CCR2: variants seen among roughly 807,000 people sequenced by gnomAD.
CCR2 encodes C-C chemokine receptor type 2.
For synonymous variants in CCR2, 183 were observed against 177.1 expected (o/e 1.03, Z -0.27); for missense variants, 408 against 440.0 (o/e 0.93, Z 0.65).
chr3:46,356,416 C>G (rs761861311), intron 1 of CCR2, among the ~76,000 whole-genome samples: 2 of 152,028 alleles, frequency 1.3e-5, no homozygotes, highest in African/African-American at 4.8e-5. Context: ...TAGCACAGCC[C>G]CTCCCATCTG....
intron 1 of CCR2, among the ~76,000 whole-genome samples, chr3:46,356,695 G>A (rs1701458757): frequency 6.6e-6 from 1 of 152,110 alleles, no homozygotes; most frequent in Admixed American, 6.5e-5. Context: ...CAAGGCGGGT[G>A]CATCAGGAGG....
In CCR2 at chr3:46,358,941, G is replaced by A. The variant is rs1314989390; in HGVS notation, c.*331G>A. The A allele has an allele frequency of 4.7e-6, 5 of 1,071,242 alleles. No homozygotes were observed. The highest frequency in any genetic ancestry group is 5.7e-6 in the Non-Finnish European group (5 of 873,684). 66.4% of individuals were successfully genotyped at this position (1,071,242 alleles called of 1,614,324 possible). A position where few individuals can be genotyped will look rare whatever the true frequency, so the allele number is the denominator to read the frequency against. The stretch of plus-strand genomic sequence containing the variant: ...ATTCTGTCAATGTCTTGAAATCAAG[G>A]GCCAGCTGGAGGTGAAGAAGAGAAT... On this transcript the variant is annotated 3_prime_UTR_variant, in exon 2 of 2. Coordinates refer to ENST00000445132, the MANE Select transcript of CCR2 (RefSeq NM_001123396.4).
rs1701522790 is a variant in CCR2 at position 46,359,956 on chromosome 3, A to T, written c.*1346A>T. 8.2e-7 allele frequency: 1 copy of T among 1,213,610 alleles called. No individual in the cohort carries two copies. The highest frequency in any genetic ancestry group is 1.2e-6 in the Non-Finnish European group (1 of 858,436). The allele number at this position is 1,213,610 out of a possible 1,614,324, so 75.2% of individuals were successfully genotyped here. A position where few individuals can be genotyped will look rare whatever the true frequency, so the allele number is the denominator to read the frequency against. ...AATCTTGGTGTCTACGTTACCAGGC[A>T]GGAAGGCTGAGAGGAGAGAGACTCC... On this transcript the variant is annotated 3_prime_UTR_variant, in exon 2 of 2. Transcript: ENST00000445132.
Position 46,358,139 on chromosome 3 carries a change from A to G in CCR2, c.612A>G (p.Ile204Met). The G allele has an allele frequency of 6.2e-7, 1 of 1,614,108 alleles. No individual in the cohort carries two copies. The highest frequency in any genetic ancestry group is 8.5e-7 in the Non-Finnish European group (1 of 1,179,994). The change falls in exon 2 of 2, where the codon ATA becomes ATG. Residue 204 changes from isoleucine (I) to methionine (M), a missense_variant. Transcript: ENST00000445132. ...GAGGATGGAATAATTTCCACACAAT[A>G]ATGAGGAACATTTTGGGGCTGGTCC... ...FPRGWNNFHT[I>M]MRNILGLVLP...
chr3:46,358,302 T>C lies in CCR2; in HGVS notation c.775T>C (p.Tyr259His). 2 of 1,614,190 alleles carry C rather than the reference T, an allele frequency of 1.2e-6. No homozygotes were observed. Among genetic ancestry groups the C allele is most frequent in the Non-Finnish European group, 8.5e-7 (1 of 1,180,022 alleles). Reference protein sequence around the residue: ...MIVYFLFWTPYNIVILLNTFQ... With the variant: ...MIVYFLFWTPHNIVILLNTFQ... ...TGTTTACTTTCTCTTCTGGACTCCCTATAATATTGTCATTCTCCTGAACAC... is the reference window on the plus strand; with the variant it reads ...TGTTTACTTTCTCTTCTGGACTCCCCATAATATTGTCATTCTCCTGAACAC... Residue 259 changes from tyrosine to histidine, a missense_variant, in exon 2 of 2, where the codon TAT becomes CAT. Coordinates refer to ENST00000445132, the MANE Select transcript of CCR2 (RefSeq NM_001123396.4).
At position 46,359,516 on chromosome 3, in the gene CCR2, T is replaced by G. The variant is rs1019055651; in HGVS notation, c.*906T>G. On this transcript the variant is annotated 3_prime_UTR_variant, in exon 2 of 2. Coordinates refer to ENST00000445132, the MANE Select transcript of CCR2 (RefSeq NM_001123396.4). ...CCAGGAGCAAAGGACGGGGATCGTG[T>G]GGAACCACTGCAGAACTATTTCCGA... 1 of 979,990 alleles carries G rather than the reference T, an allele frequency of 1.0e-6. No individual in the cohort carries two copies. The highest frequency in any genetic ancestry group is 3.2e-5 in the Admixed American group (1 of 31,192). The allele number at this position is 979,990 out of a possible 1,614,324, so 60.7% of individuals were successfully genotyped here.
rs1432766750 is a variant in CCR2, at chr3:46,357,585, G to A, written c.58G>A (p.Val20Ile). 3.1e-6 allele frequency: 5 copies of A among 1,614,076 alleles called. No homozygotes were observed. Among genetic ancestry groups the A allele is most frequent in the Non-Finnish European group, 4.2e-6 (5 of 1,179,970 alleles). The change falls in exon 2 of 2, where the codon GTC becomes ATC. Residue 20 changes from valine to isoleucine, a missense_variant. Coordinates refer to ENST00000445132, the MANE Select transcript of CCR2 (RefSeq NM_001123396.4). ...AAATACCAACGAGAGCGGTGAAGAA[G>A]TCACCACCTTTTTTGATTATGATTA... ...IRNTNESGEE[V>I]TTFFDYDYGA...
Position 46,358,297 on chromosome 3 carries a change from C to A in CCR2, c.770C>A (p.Thr257Asn). ...ATGATTGTTTACTTTCTCTTCTGGA[C>A]TCCCTATAATATTGTCATTCTCCTG... is the stretch of plus-strand genomic sequence containing the variant. ...TIMIVYFLFW[T>N]PYNIVILLNT... The change falls in exon 2 of 2, where the codon ACT (threonine) becomes AAT (asparagine). Residue 257 changes from threonine to asparagine, a missense_variant. Thr to Asn is a moderately conservative substitution (Grantham distance 65). Coordinates refer to ENST00000445132, the MANE Select transcript of CCR2 (RefSeq NM_001123396.4). The A allele has an allele frequency of 6.2e-7, 1 of 1,614,164 alleles. No individual in the cohort carries two copies. The highest frequency in any genetic ancestry group is 8.5e-7 in the Non-Finnish European group (1 of 1,180,010).
At position 46,360,296 on chromosome 3, in the gene CCR2, T is replaced by C. The variant is rs887090155; in HGVS notation, c.*1686T>C. On this transcript the variant is annotated 3_prime_UTR_variant, in exon 2 of 2. Transcript: ENST00000445132. ...TGTGATCTGTGGGCACATTAGCCTA[T>C]GTGCATGCAGCATCTAAGTAATGAT... 31 of 189,926 alleles carry C rather than the reference T, an allele frequency of 1.6e-4. No homozygotes were observed. The highest frequency in any genetic ancestry group is 6.9e-4 in the African/African-American group (29 of 41,786). 11.8% of individuals were successfully genotyped at this position (189,926 alleles called of 1,614,324 possible).
In CCR2 at chr3:46,359,005, G is replaced by A. The variant is rs1249149255; in HGVS notation, c.*395G>A. ...ATGAATGGGAGTGAGGGATAGTGGG[G>A]TCAGGGCTGAGAGGAGAAGGAGGGA... is the stretch of plus-strand genomic sequence containing the variant. On this transcript the variant is annotated 3_prime_UTR_variant, in exon 2 of 2. Coordinates refer to ENST00000445132, the MANE Select transcript of CCR2 (RefSeq NM_001123396.4). 1 of 1,042,558 alleles carries A rather than the reference G, an allele frequency of 9.6e-7. No individual in the cohort carries two copies. Among genetic ancestry groups the A allele is most frequent in the Non-Finnish European group, 1.2e-6 (1 of 855,576 alleles). The allele number at this position is 1,042,558 out of a possible 1,614,324, so 64.6% of individuals were successfully genotyped here. A position where few individuals can be genotyped will look rare whatever the true frequency, so the allele number is the denominator to read the frequency against.
intron 1 of CCR2, among the ~76,000 whole-genome samples, chr3:46,357,062 G>A (rs1332934615): frequency 6.6e-6 from 1 of 152,226 alleles, no homozygotes; most frequent in East Asian, 1.9e-4. Context: ...TGCTGCCAGA[G>A]CAGGAGGGGC....
chr3:46,357,694 G>A lies in CCR2; in HGVS notation c.167G>A (p.Gly56Asp). ...PPLYSLVFIF[G>D]FVGNMLVVLI... ...CTCTACTCGCTGGTGTTCATCTTTG[G>A]TTTTGTGGGCAACATGCTGGTCGTC... Residue 56 changes from glycine (G) to aspartate (D), a missense_variant, in exon 2 of 2, where the codon GGT (glycine) becomes GAT (aspartate). Gly to Asp is a moderately conservative substitution (Grantham distance 94, BLOSUM62 -1). Transcript: ENST00000445132. 4 of 1,614,062 alleles carry A rather than the reference G, an allele frequency of 2.5e-6. No homozygotes were observed. Among genetic ancestry groups the A allele is most frequent in the Non-Finnish European group, 3.4e-6 (4 of 1,180,020 alleles).
intron 1 of CCR2, among the ~76,000 whole-genome samples, chr3:46,355,722 T>C (rs567805410): frequency 1.3e-5 from 2 of 152,224 alleles, no homozygotes; most frequent in South Asian, 4.1e-4. Context: ...ATCTATGAGG[T>C]GGAACTCAAA....
At position 46,359,903 on chromosome 3, in the gene CCR2, G is replaced by A; in HGVS notation, c.*1293G>A. On this transcript the variant is annotated 3_prime_UTR_variant, in exon 2 of 2. Transcript: ENST00000445132. ...CTCTGCTTTGGAAATCACACGTCTGGCTTCACAGATGTGTGATTCACAGTG... is the reference window on the plus strand; with the variant it reads ...CTCTGCTTTGGAAATCACACGTCTGACTTCACAGATGTGTGATTCACAGTG... 1.9e-6 allele frequency: 3 copies of A among 1,557,364 alleles called. No individual in the cohort carries two copies. The highest frequency in any genetic ancestry group is 2.6e-6 in the Non-Finnish European group (3 of 1,135,440).
rs745976186 is a variant in CCR2, at chr3:46,357,647, T to C, written c.120T>C (p.Ile40=). The change falls in exon 2 of 2, where the codon ATT becomes ATC. Residue 40 remains isoleucine, a synonymous_variant. Coordinates refer to ENST00000445132, the MANE Select transcript of CCR2 (RefSeq NM_001123396.4). ...APCHKFDVKQ[I]GAQLLPPLYS... is the part of the protein sequence containing the mutation. ...GTCATAAATTTGACGTGAAGCAAAT[T>C]GGGGCCCAACTCCTGCCTCCGCTCT... 5 of 1,613,978 alleles carry C rather than the reference T, an allele frequency of 3.1e-6. No individual in the cohort carries two copies. The South Asian group carries it at 4.4e-5, about 14-fold the overall frequency.
chr3:46,359,706 T>G lies in CCR2; in HGVS notation c.*1096T>G. 4 of 1,613,706 alleles carry G rather than the reference T, an allele frequency of 2.5e-6. No homozygotes were observed. Among genetic ancestry groups the G allele is most frequent in the South Asian group, 2.2e-5 (2 of 90,988 alleles). Reference sequence around the variant, plus strand: ...TTTCACATAGCTCTTGGCTGTAGGATTGCCCCACTCCAAAAACCAGTGTGT... The same window carrying G: ...TTTCACATAGCTCTTGGCTGTAGGAGTGCCCCACTCCAAAAACCAGTGTGT... On this transcript the variant is annotated 3_prime_UTR_variant, in exon 2 of 2. Transcript: ENST00000445132.
Position 46,359,570 on chromosome 3 carries a change from G to T in CCR2, c.*960G>T. ...CAACTAAGTGGAGAGAGCCAGGAAG[G>T]CTGCATCAGAACCCAGTAAAGCTTC... On this transcript the variant is annotated 3_prime_UTR_variant, in exon 2 of 2. Coordinates refer to ENST00000445132, the MANE Select transcript of CCR2 (RefSeq NM_001123396.4). 1 of 1,184,436 alleles carries T rather than the reference G, an allele frequency of 8.4e-7. No individual in the cohort carries two copies. Among genetic ancestry groups the T allele is most frequent in the Non-Finnish European group, 1.2e-6 (1 of 849,644 alleles). 73.4% of individuals were successfully genotyped at this position (1,184,436 alleles called of 1,614,324 possible).
chr3:46,357,639 A>T lies in CCR2; in HGVS notation c.112A>T (p.Lys38Ter). 6.2e-7 allele frequency: 1 copy of T among 1,613,938 alleles called. No individual in the cohort carries two copies. Among genetic ancestry groups the T allele is most frequent in the Non-Finnish European group, 8.5e-7 (1 of 1,179,988 alleles). Reference protein sequence around the residue: ...YGAPCHKFDVKQIGAQLLPPL... With the variant: ...YGAPCHKFDV ...TGCTCCCTGTCATAAATTTGACGTG[A>T]AGCAAATTGGGGCCCAACTCCTGCC... is the stretch of plus-strand genomic sequence containing the variant. Residue 38 changes from lysine (K) to a stop codon, truncating the protein, a stop_gained, in exon 2 of 2, where the codon AAG (lysine) becomes TAG (stop). Coordinates refer to ENST00000445132, the MANE Select transcript of CCR2 (RefSeq NM_001123396.4). LOFTEE classifies it low-confidence loss of function (END_TRUNC).
chr3:46,357,592 C>T lies in CCR2; in HGVS notation c.65C>T (p.Thr22Ile). The T allele has an allele frequency of 1.2e-6, 2 of 1,614,036 alleles. No homozygotes were observed. The highest frequency in any genetic ancestry group is 1.1e-5 in the South Asian group (1 of 91,058). The change falls in exon 2 of 2, where the codon ACC becomes ATC. Residue 22 changes from threonine (T) to isoleucine (I), a missense_variant. Coordinates refer to ENST00000445132, the MANE Select transcript of CCR2 (RefSeq NM_001123396.4). Reference protein sequence around the residue: ...NTNESGEEVTTFFDYDYGAPC... With the variant: ...NTNESGEEVTIFFDYDYGAPC... The stretch of plus-strand genomic sequence containing the variant: ...AACGAGAGCGGTGAAGAAGTCACCA[C>T]CTTTTTTGATTATGATTACGGTGCT...
Sources: gnomAD v4.1 joint callset for allele counts (sites outside exome capture counted in the v4.1 genomes callset) on GRCh38, gnomAD v4.1.1 for gene constraint, MANE v1.5 for transcripts, NCBI Gene and HGNC (gene_info 2026-07-23, HGNC 2026-07-21) for gene names.